The following ILDR2 variants were observed in gnomAD, a reference collection of about 807,000 sequenced individuals.
ILDR2 encodes the protein immunoglobulin like domain containing receptor 2, also known as immunoglobulin-like domain-containing receptor 2.
ILDR2 carries 25 observed loss-of-function variants against 66.8 expected under a neutral mutation model. The ratio of observed to expected loss-of-function variants is 0.37; its 90% confidence interval spans 0.27 to 0.52. ILDR2 has a LOEUF of 0.52. ILDR2 is among the 20% of genes least tolerant of loss of function. The probability of loss-of-function intolerance (pLI) is 0.88; values close to 1 mark genes in which losing one functional copy is unlikely to be tolerated. For missense variants in ILDR2, 827 were observed against 876.8 expected, an observed-to-expected ratio of 0.94 and a Z score of 0.72; for synonymous variants, 367 against 357.2, an observed-to-expected ratio of 1.03 and a Z score of -0.31.
intron 3 of ILDR2, among the ~76,000 whole-genome samples, chr1:166,946,718 C>G (rs1433944603): frequency 6.6e-6 from 1 of 152,188 alleles, no homozygotes. Flanking sequence ...GTACTCACCC[C>G]AATTCCAGTT....
Position 166,921,318 on chromosome 1 carries a change from C to T in ILDR2, c.1273G>A (p.Val425Ile), listed in dbSNP as rs2101853836. 6.3e-7 allele frequency: 1 copy of T among 1,589,742 alleles called. No homozygotes were observed. The highest frequency in any genetic ancestry group is 1.3e-5 in the African/African-American group (1 of 74,138). The change falls in exon 9 of 10, where the codon GTT becomes ATT. Residue 425 changes from valine (V) to isoleucine (I), a missense_variant. By Grantham distance (29) the Val-to-Ile change is conservative. Transcript: ENST00000271417. The surrounding 1 kb of genome is among the most constrained non-coding windows in gnomAD (Gnocchi z 5.3). ...AAGGCCGCCAGCTCGTCCATGGAAA[C>T]GGCCGGCACCCCCGTGGCGAAGTTC... Reference protein sequence around the residue: ...RKNFATGVPAVSMDELAAFAD... With the variant: ...RKNFATGVPAISMDELAAFAD...
In ILDR2 at chr1:166,913,488, A is replaced by C. The variant is rs1659521559; in HGVS notation, c.*5867T>G. The C allele has an allele frequency of 1.3e-5, 2 of 152,156 alleles. No homozygotes were observed. Among genetic ancestry groups the C allele is most frequent in the Admixed American group, 1.3e-4 (2 of 15,284 alleles). 9.4% of individuals were successfully genotyped at this position (152,156 alleles called of 1,614,324 possible). A position where few individuals can be genotyped will look rare whatever the true frequency, so the allele number is the denominator to read the frequency against. On this transcript the variant is annotated 3_prime_UTR_variant, in exon 10 of 10. Coordinates refer to ENST00000271417, the MANE Select transcript of ILDR2 (RefSeq NM_199351.3). ...TGGCTTTTCCTTAAAGCCAAGGTAAAAGAGAAGCTATCTGTGTCTCTTTTA... is the reference window on the plus strand; with the variant it reads ...TGGCTTTTCCTTAAAGCCAAGGTAACAGAGAAGCTATCTGTGTCTCTTTTA...
At chr1:166,962,738 C>T (rs927915076) in intron 1 of ILDR2, among the ~76,000 whole-genome samples, 1 of 152,168 alleles carries the variant, frequency 6.6e-6, no homozygotes, top group African/African-American at 2.4e-5. Flanking sequence ...AATTTTCCTA[C>T]TTGTCAGATG....
At chr1:166,904,385 C>T (rs189593207), downstream of ILDR2, among the ~76,000 whole-genome samples, 17 of 152,360 alleles carry the variant, frequency 1.1e-4, no homozygotes, top group African/African-American at 2.9e-4. Flanking sequence ...AGTAGGCAGG[C>T]AGCCACATGG....
intron 1 of ILDR2, among the ~76,000 whole-genome samples, chr1:166,964,635 G>A (rs1302802844): frequency 6.6e-6 from 1 of 152,168 alleles, no homozygotes; most frequent in African/African-American, 2.4e-5. Flanking sequence ...CCTAAAGGTA[G>A]AGTGAAGAGT....
chr1:166,943,127 C>G (rs1383949202), intron 3 of ILDR2, among the ~76,000 whole-genome samples: 1 of 152,096 alleles, frequency 6.6e-6, no homozygotes, highest in African/African-American at 2.4e-5. Flanking sequence ...CTTCAGAATT[C>G]AAAACATAGT....
At chr1:166,923,147 A>G (rs572217079) in intron 7 of ILDR2, among the ~76,000 whole-genome samples, 1 of 152,154 alleles carries the variant, frequency 6.6e-6, no homozygotes, top group African/African-American at 2.4e-5. Flanking sequence ...TCCTTGTTCA[A>G]ATGTTTTCTT....
In ILDR2 at chr1:166,921,503, C is replaced by T; in HGVS notation, c.1212-124G>A. ...GAGACCTCGGCCTGAGCCTCAGCTC[C>T]GCTCCAGGCTGGATGAAGCATTCCA... On this transcript the variant is annotated intron_variant, in intron 8 of 9. Coordinates refer to ENST00000271417, the MANE Select transcript of ILDR2 (RefSeq NM_199351.3). The surrounding 1 kb of genome is among the most constrained non-coding windows in gnomAD (Gnocchi z 5.3). The T allele has an allele frequency of 6.4e-6, 5 of 777,282 alleles. No homozygotes were observed. The highest frequency in any genetic ancestry group is 5.9e-5 in the South Asian group (3 of 50,952). The allele number at this position is 777,282 out of a possible 1,614,324, so 48.1% of individuals were successfully genotyped here. A position where few individuals can be genotyped will look rare whatever the true frequency, so the allele number is the denominator to read the frequency against.
At chr1:166,926,068 A>T (rs1660261700) in intron 7 of ILDR2, among the ~76,000 whole-genome samples, 1 of 152,222 alleles carries the variant, frequency 6.6e-6, no homozygotes, top group Admixed American at 6.5e-5. Context: ...AATGGATACA[A>T]CGCAGACAGG....
intron 6 of ILDR2, among the ~76,000 whole-genome samples, chr1:166,930,666 G>A (rs977944751): frequency 3.3e-5 from 5 of 152,170 alleles, no homozygotes; most frequent in Admixed American, 6.5e-5. Context: ...CCAAGGATGA[G>A]ATTTTCCTTT....
At chr1:166,948,282 G>T (rs1000733856) in intron 3 of ILDR2, among the ~76,000 whole-genome samples, 1 of 152,184 alleles carries the variant, frequency 6.6e-6, no homozygotes, top group Admixed American at 6.5e-5. Context: ...GGCCTAGACA[G>T]TTCCGGTTTA....
intron 7 of ILDR2, among the ~76,000 whole-genome samples, chr1:166,925,186 A>G (rs79333770): frequency 1.5e-3 from 233 of 152,278 alleles, no homozygotes; most frequent in African/African-American, 5.3e-3. Flanking sequence ...CTCAAACTCA[A>G]TTCTTACAGA....
chr1:166,907,436 G>A (rs368767814), downstream of ILDR2, among the ~76,000 whole-genome samples: 2 of 152,258 alleles, frequency 1.3e-5, no homozygotes, highest in Middle Eastern at 3.4e-3. Flanking sequence ...CTCAGGAATC[G>A]CCATGGAACA....
Position 166,915,363 on chromosome 1 carries a change from C to G in ILDR2, c.*3992G>C, listed in dbSNP as rs571879686. On this transcript the variant is annotated 3_prime_UTR_variant, in exon 10 of 10. Coordinates refer to ENST00000271417, the MANE Select transcript of ILDR2 (RefSeq NM_199351.3). Reference sequence around the variant, plus strand: ...GCCTCAGGACTAGCTGTTTGGAGTACCCAGAGGTATGACTTAGTGCAATGA... The same window carrying G: ...GCCTCAGGACTAGCTGTTTGGAGTAGCCAGAGGTATGACTTAGTGCAATGA... The G allele has an allele frequency of 6.6e-6, 1 of 152,154 alleles. No individual in the cohort carries two copies. Among genetic ancestry groups the G allele is most frequent in the Non-Finnish European group, 1.5e-5 (1 of 68,056 alleles). 9.4% of individuals were successfully genotyped at this position (152,154 alleles called of 1,614,324 possible).
intron 1 of ILDR2, among the ~76,000 whole-genome samples, chr1:166,964,106 AC>A (rs1662785756): frequency 6.6e-6 from 1 of 151,792 alleles, no homozygotes. Context: ...GAGAGAGTAT[AC>A]CTGTAAAAAT....
chr1:166,897,876 A>G (rs532997457), intron 2 of ILDR2, among the ~76,000 whole-genome samples: 3 of 152,334 alleles, frequency 2.0e-5, no homozygotes, highest in African/African-American at 7.2e-5. Flanking sequence ...GTTCTAATAA[A>G]TTATTAAACC....
chr1:166,956,956 A>AGTATTTTCT (rs1293327167), intron 2 of ILDR2, 104 bp from the exon 3 acceptor site: 1 of 1,202,794 alleles, frequency 8.3e-7, no homozygotes, highest in Admixed American at 2.6e-5. Flanking sequence ...GGGTATCTGC[A>AGTATTTTCT]GTATTTTCTT....
intron 3 of ILDR2, among the ~76,000 whole-genome samples, chr1:166,949,575 T>G (rs932201099): frequency 2.0e-5 from 3 of 152,202 alleles, no homozygotes; most frequent in African/African-American, 7.2e-5. Flanking sequence ...AGGTTGAGAT[T>G]ATGGAGTAGA....
rs149033377 is a variant in ILDR2 at position 166,920,603 on chromosome 1, T to A, written c.1884+104A>T. On this transcript the variant is annotated intron_variant, in intron 9 of 9. Coordinates refer to ENST00000271417, the MANE Select transcript of ILDR2 (RefSeq NM_199351.3). Reference sequence around the variant, plus strand: ...CCTGCGGCCTCTCCGGCAAGGACCCTCCCGCCTCGCCACCTCCCCGGCCCC... The same window carrying A: ...CCTGCGGCCTCTCCGGCAAGGACCCACCCGCCTCGCCACCTCCCCGGCCCC... The A allele has an allele frequency of 2.4e-3, 3,080 of 1,259,394 alleles. 28 individuals carry two copies. The highest frequency in any genetic ancestry group is 0.023 in the South Asian group (935 of 40,866). The allele number at this position is 1,259,394 out of a possible 1,614,324, so 78.0% of individuals were successfully genotyped here. A position where few individuals can be genotyped will look rare whatever the true frequency, so the allele number is the denominator to read the frequency against.
Sources: gnomAD v4.1 joint callset for allele counts (sites outside exome capture counted in the v4.1 genomes callset) on GRCh38, gnomAD v4.1.1 for gene constraint, Gnocchi (gnomAD v3.1) non-coding constraint, MANE v1.5 for transcripts, NCBI Gene and HGNC (gene_info 2026-07-23, HGNC 2026-07-21) for gene names.